STUB1: variants seen among roughly 807,000 people sequenced by gnomAD.
STUB1 encodes the protein E3 ubiquitin-protein ligase CHIP.
STUB1 carries 37 observed loss-of-function variants against 40.3 expected under a neutral mutation model. The observed-to-expected ratio is 0.92, with a 90% CI of 0.71 to 1.21. STUB1 has a LOEUF of 1.21. Ranked by LOEUF, STUB1 falls within the 50% of genes most tolerant of loss-of-function variation. The pLI is 0.00. For missense variants in STUB1, 460 were observed against 421.9 expected (o/e 1.09, Z -0.79); for synonymous variants, 246 against 171.9 (o/e 1.43, Z -3.37).
intron 2 of STUB1, 25 bp from the exon 3 acceptor site, chr16:681,413 G>A: frequency 6.2e-7 from 1 of 1,610,014 alleles, no homozygotes; most frequent in South Asian, 1.1e-5. Flanking sequence ...TGGCCAGAGA[G>A]TGACGTGAAG....
Position 681,346 on chromosome 16 carries a change from G to A in STUB1, c.354G>A (p.Gln118=). 1 of 1,612,742 alleles carries A rather than the reference G, an allele frequency of 6.2e-7. No homozygotes were observed. Residue 118 remains glutamine, a synonymous_variant, in exon 2 of 7, where the codon CAG becomes CAA. Transcript: ENST00000219548. ...ATGATGAGGCCATCGCCAATCTGCA[G>A]CGAGGTTGGCTGACAAGCTGCCCGG... is the stretch of plus-strand genomic sequence containing the variant. The part of the protein sequence containing the change: ...ESYDEAIANL[Q]RAYSLAKEQR...
chr16:680,698 C>T lies in STUB1; in HGVS notation c.159+14C>T. On this transcript the variant is annotated intron_variant, in intron 1 of 6. Coordinates refer to ENST00000219548, the MANE Select transcript of STUB1 (RefSeq NM_005861.4). This position sits in a 1 kb window ranked among gnomAD's most constrained non-coding sequence, Gnocchi z 4.9. ...GGCCGCGCGATCGTGAGTGCGCCCG[C>T]GCGGGGAGGGCGGCGGCGGTGGCAC... 8.6e-7 allele frequency: 1 copy of T among 1,168,854 alleles called. No homozygotes were observed. The highest frequency in any genetic ancestry group is 1.1e-6 in the Non-Finnish European group (1 of 944,494). The allele number at this position is 1,168,854 out of a possible 1,614,324, so 72.4% of individuals were successfully genotyped here. A position where few individuals can be genotyped will look rare whatever the true frequency, so the allele number is the denominator to read the frequency against.
At position 680,990 on chromosome 16, in the gene STUB1, C is replaced by A; in HGVS notation, c.160-162C>A. On this transcript the variant is annotated intron_variant, in intron 1 of 6. Transcript: ENST00000219548. This position sits in a 1 kb window ranked among gnomAD's most constrained non-coding sequence, Gnocchi z 4.9. ...GTGGAATCAAGCGGATAGGCTCAGC[C>A]AGTACTCCACTGTGCACAGATCCTT... 1 of 742,800 alleles carries A rather than the reference C, an allele frequency of 1.3e-6. No individual in the cohort carries two copies. The highest frequency in any genetic ancestry group is 3.0e-5 in the Admixed American group (1 of 33,578). 46.0% of individuals were successfully genotyped at this position (742,800 alleles called of 1,614,324 possible).
rs201419838 is a variant in STUB1, at chr16:682,799, C to T, written c.*310C>T. 2,882 of 1,612,770 alleles carry T rather than the reference C, an allele frequency of 1.8e-3. 5 individuals are homozygous for T. Among genetic ancestry groups the T allele is most frequent in the Non-Finnish European group, 2.3e-3 (2,730 of 1,179,830 alleles). On this transcript the variant is annotated 3_prime_UTR_variant, in exon 7 of 7. Transcript: ENST00000219548. ...AGTCCTGCCAGCTGTTTTGGCTAGC[C>T]GAGGAAGGTGGAGATGAAGACGCTG...
Position 681,565 on chromosome 16 carries a change from C to G in STUB1, c.486C>G (p.His162Gln), listed in dbSNP as rs1410313056. Residue 162 changes from histidine to glutamine, a missense_variant, in exon 3 of 7, where the codon CAC (histidine) becomes CAG (glutamine). Transcript: ENST00000219548. Reference protein sequence around the residue: ...ERRIHQESELHSYLSRLIAAE... With the variant: ...ERRIHQESELQSYLSRLIAAE... Reference sequence around the variant, plus strand: ...GCATCCACCAGGAGAGCGAGCTGCACTCCTACCTCTCCAGGCTCATTGCCG... The same window carrying G: ...GCATCCACCAGGAGAGCGAGCTGCAGTCCTACCTCTCCAGGCTCATTGCCG... The G allele has an allele frequency of 8.1e-6, 13 of 1,611,222 alleles. No individual in the cohort carries two copies. The highest frequency in any genetic ancestry group is 1.1e-5 in the Non-Finnish European group (13 of 1,179,748).
At position 681,367 on chromosome 16, in the gene STUB1, C is replaced by G. The variant is rs966710810; in HGVS notation, c.358+17C>G. 1.2e-6 allele frequency: 2 copies of G among 1,612,336 alleles called. No homozygotes were observed. The highest frequency in any genetic ancestry group is 2.7e-5 in the African/African-American group (2 of 75,070). On this transcript the variant is annotated intron_variant, in intron 2 of 6. Transcript: ENST00000219548. ...TGCAGCGAGGTTGGCTGACAAGCTG[C>G]CCGGTTGTGGGGCCTCTGGGGCCAG... is the stretch of plus-strand genomic sequence containing the variant.
intron 6 of STUB1, 31 bp from the exon 7 acceptor site, chr16:682,333 T>A: frequency 6.2e-7 from 1 of 1,612,990 alleles, no homozygotes; most frequent in Non-Finnish European, 8.5e-7. Context: ...CTGGGCCCCA[T>A]GACTGCCCTC....
At position 680,478 on chromosome 16, in the gene STUB1, C is replaced by G. The variant is rs1177681580; in HGVS notation, c.-48C>G. 52 of 1,182,642 alleles carry G rather than the reference C, an allele frequency of 4.4e-5. No homozygotes were observed. The highest frequency in any genetic ancestry group is 5.2e-5 in the Non-Finnish European group (50 of 955,200). The allele number at this position is 1,182,642 out of a possible 1,614,324, so 73.3% of individuals were successfully genotyped here. A position where few individuals can be genotyped will look rare whatever the true frequency, so the allele number is the denominator to read the frequency against. On this transcript the variant is annotated 5_prime_UTR_variant, in exon 1 of 7. Coordinates refer to ENST00000219548, the MANE Select transcript of STUB1 (RefSeq NM_005861.4). This position sits in a 1 kb window ranked among gnomAD's most constrained non-coding sequence, Gnocchi z 4.9. ...GGCTCCGGCTGCGGGCGCTGGGCCG[C>G]GAGGCGCGGAGCTTGGGAGCGGAGC...
In STUB1 at chr16:681,469, C is replaced by G; in HGVS notation, c.390C>G (p.Asn130Lys). The change falls in exon 3 of 7, where the codon AAC becomes AAG. Residue 130 changes from asparagine (N) to lysine (K), a missense_variant. Physicochemically the swap from Asn to Lys is moderately conservative, Grantham distance 94 (BLOSUM62 0). Coordinates refer to ENST00000219548, the MANE Select transcript of STUB1 (RefSeq NM_005861.4). Reference protein sequence around the residue: ...AYSLAKEQRLNFGDDIPSALR... With the variant: ...AYSLAKEQRLKFGDDIPSALR... ...GCCTGGCCAAGGAGCAGCGGCTGAA[C>G]TTCGGGGACGACATCCCCAGCGCTC... 2 of 1,612,652 alleles carry G rather than the reference C, an allele frequency of 1.2e-6. No individual in the cohort carries two copies. The highest frequency in any genetic ancestry group is 1.7e-6 in the Non-Finnish European group (2 of 1,179,850).
Position 680,991 on chromosome 16 carries a change from A to T in STUB1, c.160-161A>T. ...TGGAATCAAGCGGATAGGCTCAGCC[A>T]GTACTCCACTGTGCACAGATCCTTG... On this transcript the variant is annotated intron_variant, in intron 1 of 6. Transcript: ENST00000219548. This position sits in a 1 kb window ranked among gnomAD's most constrained non-coding sequence, Gnocchi z 4.9. 1.3e-6 allele frequency: 1 copy of T among 743,822 alleles called. No homozygotes were observed. The allele number at this position is 743,822 out of a possible 1,614,324, so 46.1% of individuals were successfully genotyped here.
In STUB1 at chr16:682,179, C is replaced by T. The variant is rs756496385; in HGVS notation, c.684C>T (p.Pro228=). 8.7e-6 allele frequency: 14 copies of T among 1,608,416 alleles called. No homozygotes were observed. Among genetic ancestry groups the T allele is most frequent in the Non-Finnish European group, 8.5e-6 (10 of 1,175,772 alleles). The part of the protein sequence containing the change: ...VDEKRKKRDI[P]DYLCGKISFE... ...CTGTGCCACAGAAGCGAGACATCCC[C>T]GACTACCTGTGTGGCAAGATCAGCT... Residue 228 remains proline (P), a synonymous_variant, in exon 6 of 7, where the codon CCC becomes CCT. Coordinates refer to ENST00000219548, the MANE Select transcript of STUB1 (RefSeq NM_005861.4).
chr16:681,703 G>A (rs2039659944), intron 3 of STUB1, 90 bp from the exon 4 acceptor site: 3 of 1,552,386 alleles, frequency 1.9e-6, no homozygotes, highest in Non-Finnish European at 2.6e-6. Flanking sequence ...AGCAGGAAAT[G>A]TGGGGAAGTG....
chr16:680,551 G>A lies in STUB1; in HGVS notation c.26G>A (p.Gly9Asp), dbSNP rs1487330955. The A allele has an allele frequency of 1.5e-6, 2 of 1,347,200 alleles. No individual in the cohort carries two copies. The highest frequency in any genetic ancestry group is 3.6e-5 in the South Asian group (2 of 55,088). 83.5% of individuals were successfully genotyped at this position (1,347,200 alleles called of 1,614,324 possible). Residue 9 changes from glycine (G) to aspartate (D), a missense_variant, in exon 1 of 7, where the codon GGC (glycine) becomes GAC (aspartate). Gly to Asp is a moderately conservative substitution (Grantham distance 94). Transcript: ENST00000219548. The surrounding 1 kb of genome is among the most constrained non-coding windows in gnomAD (Gnocchi z 4.9). Reference sequence around the variant, plus strand: ...ATGAAGGGCAAGGAGGAGAAGGAGGGCGGCGCACGGCTGGGCGCTGGCGGC... The same window carrying A: ...ATGAAGGGCAAGGAGGAGAAGGAGGACGGCGCACGGCTGGGCGCTGGCGGC... MKGKEEKEGGARLGAGGGS... is the reference protein window; with the variant it reads MKGKEEKEDGARLGAGGGS...
At position 682,251 on chromosome 16, in the gene STUB1, C is replaced by T. The variant is rs373706128; in HGVS notation, c.756C>T (p.Tyr252=). ...EPCITPSGIT[Y]DRKDIEEHLQ... ...GCATCACGCCCAGTGGCATCACCTACGACCGCAAGGACATCGAGGAGCACC... is the reference window on the plus strand; with the variant it reads ...GCATCACGCCCAGTGGCATCACCTATGACCGCAAGGACATCGAGGAGCACC... The change falls in exon 6 of 7, where the codon TAC becomes TAT. Residue 252 remains tyrosine, a synonymous_variant. Transcript: ENST00000219548. 316 of 1,612,212 alleles carry T rather than the reference C, an allele frequency of 2.0e-4. No individual in the cohort carries two copies. Among genetic ancestry groups the T allele is most frequent in the Non-Finnish European group, 2.4e-4 (289 of 1,179,840 alleles).
chr16:682,178 C>T lies in STUB1; in HGVS notation c.683C>T (p.Pro228Leu). 1.9e-6 allele frequency: 3 copies of T among 1,608,380 alleles called. No individual in the cohort carries two copies. Among genetic ancestry groups the T allele is most frequent in the Non-Finnish European group, 2.6e-6 (3 of 1,175,604 alleles). Residue 228 changes from proline (P) to leucine (L), a missense_variant, in exon 6 of 7, where the codon CCC becomes CTC. Coordinates refer to ENST00000219548, the MANE Select transcript of STUB1 (RefSeq NM_005861.4). ...CCTGTGCCACAGAAGCGAGACATCCCCGACTACCTGTGTGGCAAGATCAGC... is the reference window on the plus strand; with the variant it reads ...CCTGTGCCACAGAAGCGAGACATCCTCGACTACCTGTGTGGCAAGATCAGC... Reference protein sequence around the residue: ...VDEKRKKRDIPDYLCGKISFE... With the variant: ...VDEKRKKRDILDYLCGKISFE...
In STUB1 at chr16:681,850, G is replaced by A. The variant is rs778762773; in HGVS notation, c.582G>A (p.Arg194=). Residue 194 remains arginine, a synonymous_variant, in exon 4 of 7, where the codon CGG becomes CGA. Coordinates refer to ENST00000219548, the MANE Select transcript of STUB1 (RefSeq NM_005861.4). The part of the protein sequence containing the change: ...HEGDEDDSHV[R]AQQACIEAKH... ...GTGATGAGGACGACAGCCACGTCCG[G>A]GCCCAGCAGGCCTGCATTGAGGCCA... 1.9e-6 allele frequency: 3 copies of A among 1,612,032 alleles called. No individual in the cohort carries two copies. The highest frequency in any genetic ancestry group is 2.2e-5 in the East Asian group (1 of 44,834).
At position 680,609 on chromosome 16, in the gene STUB1, G is replaced by A. The variant is rs761165353; in HGVS notation, c.84G>A (p.Glu28=). The A allele has an allele frequency of 2.1e-6, 3 of 1,408,742 alleles. No individual in the cohort carries two copies. Among genetic ancestry groups the A allele is most frequent in the South Asian group, 1.6e-5 (1 of 64,172 alleles). The allele number at this position is 1,408,742 out of a possible 1,614,324, so 87.3% of individuals were successfully genotyped here. A position where few individuals can be genotyped will look rare whatever the true frequency, so the allele number is the denominator to read the frequency against. ...GSPEKSPSAQ[E]LKEQGNRLFV... is the part of the protein sequence containing the mutation. Reference sequence around the variant, plus strand: ...CCGAGAAGAGCCCGAGCGCGCAGGAGCTCAAGGAGCAGGGCAATCGTCTGT... The same window carrying A: ...CCGAGAAGAGCCCGAGCGCGCAGGAACTCAAGGAGCAGGGCAATCGTCTGT... Residue 28 remains glutamate (E), a synonymous_variant, in exon 1 of 7, where the codon GAG becomes GAA. Coordinates refer to ENST00000219548, the MANE Select transcript of STUB1 (RefSeq NM_005861.4). The surrounding 1 kb of genome is among the most constrained non-coding windows in gnomAD (Gnocchi z 4.9).
At position 681,491 on chromosome 16, in the gene STUB1, G is replaced by C. The variant is rs780472903; in HGVS notation, c.412G>C (p.Ala138Pro). 1 of 1,612,666 alleles carries C rather than the reference G, an allele frequency of 6.2e-7. No individual in the cohort carries two copies. The highest frequency in any genetic ancestry group is 2.2e-5 in the East Asian group (1 of 44,888). Reference protein sequence around the residue: ...RLNFGDDIPSALRIAKKKRWN... With the variant: ...RLNFGDDIPSPLRIAKKKRWN... ...GAACTTCGGGGACGACATCCCCAGC[G>C]CTCTTCGAATCGCGAAGAAGAAGCG... The change falls in exon 3 of 7, where the codon GCT becomes CCT. Residue 138 changes from alanine (A) to proline (P), a missense_variant. Ala to Pro is a conservative substitution (Grantham distance 27, BLOSUM62 -1). Transcript: ENST00000219548.
In STUB1 at chr16:682,708, T is replaced by C. The variant is rs568008188; in HGVS notation, c.*219T>C. On this transcript the variant is annotated 3_prime_UTR_variant, in exon 7 of 7. Transcript: ENST00000219548. The stretch of plus-strand genomic sequence containing the variant: ...GTGAGGGTGGGCTGGGCTGAGGCCA[T>C]TGCCGCCACTATCTGTGTAATAAAA... 44 of 1,507,098 alleles carry C rather than the reference T, an allele frequency of 2.9e-5. No individual in the cohort carries two copies. The Admixed American group carries it at 7.0e-4, about 24-fold the overall frequency. The allele number at this position is 1,507,098 out of a possible 1,614,324, so 93.4% of individuals were successfully genotyped here. A position where few individuals can be genotyped will look rare whatever the true frequency, so the allele number is the denominator to read the frequency against.
Sources: allele counts gnomAD v4.1 joint callset, GRCh38; gene constraint gnomAD v4.1.1; non-coding constraint Gnocchi (gnomAD v3.1); transcripts MANE v1.5; gene names NCBI Gene and HGNC (gene_info 2026-07-23, HGNC 2026-07-21).